Variants in NRG1 observed in about 807,000 individuals in gnomAD.
NRG1 encodes the protein neuregulin 1.
In NRG1, 18 loss-of-function variants were observed where a neutral mutation model predicts 63.8. The ratio of observed to expected loss-of-function variants is 0.28; its 90% CI spans 0.19 to 0.42. The LOEUF (loss-of-function observed/expected upper bound fraction) is 0.42, where lower values mean the gene tolerates loss of function less well. NRG1 is among the 10% of genes least tolerant of loss of function. The probability of loss-of-function intolerance (pLI) is 1.00; values close to 1 mark genes in which losing one functional copy is unlikely to be tolerated. For synonymous variants in NRG1, 302 were observed against 301.3 expected (o/e 1.00, Z -0.02); for missense variants, 762 against 814.7 (o/e 0.94, Z 0.79).
At chr8:32,756,831 A>G (rs2129054810) in intron 9 of NRG1, among the ~76,000 whole-genome samples, 1 of 152,300 alleles carries the variant, frequency 6.6e-6, no homozygotes, top group South Asian at 2.1e-4. Flanking sequence ...GAGAAAACAA[A>G]TTTAATAGTA....
At chr8:31,838,627 G>C (rs1424496914) in intron 1 of NRG1, among the ~76,000 whole-genome samples, 1 of 151,966 alleles carries the variant, frequency 6.6e-6, no homozygotes, top group Non-Finnish European at 1.5e-5. Context: ...GTGTTTAATG[G>C]TTTTCCTCCA....
chr8:31,956,611 G>A (rs772160017), intron 1 of NRG1, among the ~76,000 whole-genome samples: 11 of 152,156 alleles, frequency 7.2e-5, no homozygotes, highest in Non-Finnish European at 1.5e-4. Context: ...GCGATAAAGC[G>A]AGACTCCGTC....
intron 6 of NRG1, among the ~76,000 whole-genome samples, 191 bp from the exon 7 acceptor site, chr8:32,741,817 A>C (rs1256151891): frequency 6.6e-6 from 1 of 152,174 alleles, no homozygotes; most frequent in Admixed American, 6.6e-5. Flanking sequence ...GAAGCAAACA[A>C]CAACAAAAAT....
chr8:32,308,381 T>C (rs1856459315), intron 1 of NRG1, among the ~76,000 whole-genome samples: 1 of 152,224 alleles, frequency 6.6e-6, no homozygotes, highest in South Asian at 2.1e-4. Flanking sequence ...CTCCAAAACA[T>C]GTTCTATCTT....
At chr8:32,194,932 A>G (rs573196385) in intron 1 of NRG1, among the ~76,000 whole-genome samples, 15 of 152,222 alleles carry the variant, frequency 9.9e-5, no homozygotes, top group Non-Finnish European at 1.8e-4. Context: ...ATATGCTGAT[A>G]AAATCACTGA....
At chr8:32,013,847 C>G (rs938936490) in intron 1 of NRG1, among the ~76,000 whole-genome samples, 1 of 152,112 alleles carries the variant, frequency 6.6e-6, no homozygotes, top group African/African-American at 2.4e-5. Flanking sequence ...CCCTATTCAC[C>G]TCTGTCATCA....
chr8:32,659,513 T>C (rs1191907170), intron 5 of NRG1, among the ~76,000 whole-genome samples: 1 of 152,240 alleles, frequency 6.6e-6, no homozygotes, highest in Non-Finnish European at 1.5e-5. Flanking sequence ...GTATGAGCAC[T>C]ACTAAATTAG....
chr8:32,330,997 AAG>A (rs1443557263), intron 1 of NRG1, among the ~76,000 whole-genome samples: 6 of 152,116 alleles, frequency 3.9e-5, no homozygotes, highest in East Asian at 1.9e-4. Flanking sequence ...GTTGAGGAAA[AAG>A]AGTTTTATTC....
At chr8:32,203,817 TC>T (rs1843737702) in intron 1 of NRG1, among the ~76,000 whole-genome samples, 2 of 152,022 alleles carry the variant, frequency 1.3e-5, no homozygotes, top group Non-Finnish European at 2.9e-5. Flanking sequence ...GTACCTGCAA[TC>T]CCCATCAGAA....
intron 1 of NRG1, among the ~76,000 whole-genome samples, chr8:32,414,250 T>C (rs1479877655): frequency 1.3e-5 from 2 of 152,168 alleles, no homozygotes; most frequent in East Asian, 3.9e-4. Flanking sequence ...CCTTCACCTG[T>C]CTGCATTATG....
chr8:32,155,869 G>T (rs1014373159), intron 1 of NRG1, among the ~76,000 whole-genome samples: 2 of 152,020 alleles, frequency 1.3e-5, no homozygotes, highest in Non-Finnish European at 2.9e-5. Context: ...AGTTATTATT[G>T]ATTTTGTCTG....
chr8:31,854,073 C>G (rs1190430709), intron 1 of NRG1, among the ~76,000 whole-genome samples: 7 of 151,198 alleles, frequency 4.6e-5, no homozygotes, highest in Non-Finnish European at 8.9e-5. Context: ...CTAAAATTCT[C>G]TTTTTTTGTT....
intron 1 of NRG1, among the ~76,000 whole-genome samples, chr8:32,377,419 A>C (rs141702361): frequency 6.6e-6 from 1 of 152,318 alleles, no homozygotes; most frequent in African/African-American, 2.4e-5. Flanking sequence ...ATCTAAATAT[A>C]AGACCACTTG....
chr8:32,179,244 T>A (rs1475546045), intron 1 of NRG1, among the ~76,000 whole-genome samples: 1 of 146,826 alleles, frequency 6.8e-6, no homozygotes, highest in Non-Finnish European at 1.5e-5. Context: ...CCAGTAGAAT[T>A]GGAGACAAGT....
intron 1 of NRG1, among the ~76,000 whole-genome samples, chr8:32,249,306 C>T (rs1848871761): frequency 6.6e-6 from 1 of 152,070 alleles, no homozygotes; most frequent in South Asian, 2.1e-4. Flanking sequence ...TGAGTGGTGA[C>T]TTCCTTTCTG....
intron 1 of NRG1, among the ~76,000 whole-genome samples, chr8:31,735,005 T>C (rs959353114): frequency 4.6e-5 from 7 of 152,132 alleles, no homozygotes; most frequent in Non-Finnish European, 1.0e-4. Flanking sequence ...CATGGACACC[T>C]GGACACAGGC....
At chr8:32,017,969 T>C (rs1270379557) in intron 1 of NRG1, among the ~76,000 whole-genome samples, 1 of 152,204 alleles carries the variant, frequency 6.6e-6, no homozygotes, top group African/African-American at 2.4e-5. Context: ...TAATTCTGCC[T>C]TGGTCATCTT....
At chr8:31,825,374 G>A (rs1824445152) in intron 1 of NRG1, among the ~76,000 whole-genome samples, 1 of 151,386 alleles carries the variant, frequency 6.6e-6, no homozygotes, top group Non-Finnish European at 1.5e-5. Flanking sequence ...GGTGACAGAG[G>A]GAGACTCCAT....
At chr8:32,520,988 C>T (rs552091444) in intron 1 of NRG1, among the ~76,000 whole-genome samples, 2 of 152,070 alleles carry the variant, frequency 1.3e-5, no homozygotes, top group Non-Finnish European at 2.9e-5. Context: ...TAATCATAGC[C>T]CCAAAGTACA....
Sources: allele counts gnomAD v4.1 joint callset (sites outside exome capture counted in the v4.1 genomes callset), GRCh38; gene constraint gnomAD v4.1.1; transcripts MANE v1.5; gene names NCBI Gene and HGNC (gene_info 2026-07-23, HGNC 2026-07-21).